CDKAL1: variants seen among roughly 807,000 people sequenced by gnomAD.
CDKAL1 encodes the protein CDKAL1 threonylcarbamoyladenosine tRNA methylthiotransferase.
Under a neutral mutation model 68.2 loss-of-function variants are expected in CDKAL1, and 32 were observed. The observed-to-expected ratio is 0.47, with a 90% CI of 0.35 to 0.63. The LOEUF is 0.63. Ranked by LOEUF, CDKAL1 falls within the 30% of genes least tolerant of loss-of-function variation. The pLI, the probability that CDKAL1 is intolerant of heterozygous loss-of-function variation, is 0.00. For synonymous variants in CDKAL1, 234 were observed against 244.3 expected, an observed-to-expected ratio of 0.96 and a Z score of 0.39; for missense variants, 606 against 696.7, an observed-to-expected ratio of 0.87 and a Z score of 1.47.
chr6:20,755,452 T>G (rs1337850732), intron 6 of CDKAL1, among the ~76,000 whole-genome samples: 2 of 152,166 alleles, frequency 1.3e-5, no homozygotes, highest in Non-Finnish European at 2.9e-5. Context: ...CCCTTCATTT[T>G]TTTCTTTCTC....
At chr6:20,671,032 G>A (rs1436110368) in intron 5 of CDKAL1, among the ~76,000 whole-genome samples, 2 of 152,050 alleles carry the variant, frequency 1.3e-5, no homozygotes, top group African/African-American at 4.8e-5. Context: ...TATATCTTTG[G>A]GATGAATTTC....
At chr6:20,856,595 T>TA (rs1255171515) in intron 9 of CDKAL1, among the ~76,000 whole-genome samples, 17 of 152,220 alleles carry the variant, frequency 1.1e-4, no homozygotes, top group African/African-American at 3.6e-4. Context: ...GTTCCACACT[T>TA]ACAGTTATAA....
chr6:20,887,438 T>G (rs1225819330), intron 9 of CDKAL1, among the ~76,000 whole-genome samples: 4 of 152,066 alleles, frequency 2.6e-5, no homozygotes, highest in Admixed American at 1.3e-4. Flanking sequence ...TGTAGAAGAA[T>G]GGACAAAATG....
At position 21,046,596 on chromosome 6, in the gene CDKAL1, C is replaced by T. The variant is rs553649349; in HGVS notation, c.1056-18452C>T. 1.1e-4 allele frequency among the ~76,000 whole-genome samples: 17 copies of T among 152,304 alleles called. No individual in the cohort carries two copies. The South Asian group carries it at 2.7e-3, about 24-fold the overall frequency. On this transcript the variant is annotated intron_variant, in intron 11 of 15. Transcript: ENST00000274695. ...CAGCCAGGCGTGGCGTGAGACACAACGGAGCTGCTCCTTTTGAGGCAGAGA... is the reference window on the plus strand; with the variant it reads ...CAGCCAGGCGTGGCGTGAGACACAATGGAGCTGCTCCTTTTGAGGCAGAGA...
At chr6:20,772,696 G>C (rs1774997549) in intron 7 of CDKAL1, 1 of 152,066 alleles carries the variant, frequency 6.6e-6, no homozygotes, top group African/African-American at 2.4e-5. Flanking sequence ...ATCTTTCCAT[G>C]TTCTCTTCCA....
chr6:20,616,156 T>C (rs1420387125), intron 4 of CDKAL1, among the ~76,000 whole-genome samples: 2 of 151,712 alleles, frequency 1.3e-5, no homozygotes, highest in Non-Finnish European at 3.0e-5. Context: ...GTTTTGGTAC[T>C]AGTACCATGC....
chr6:20,609,505 C>G (rs891447972), intron 4 of CDKAL1, among the ~76,000 whole-genome samples: 1 of 151,158 alleles, frequency 6.6e-6, no homozygotes, highest in Non-Finnish European at 1.5e-5. Context: ...AAGTGATTCT[C>G]CTGCCTCAGC....
At chr6:21,132,811 C>T (rs1775394425) in intron 13 of CDKAL1, among the ~76,000 whole-genome samples, 1 of 152,114 alleles carries the variant, frequency 6.6e-6, no homozygotes, top group South Asian at 2.1e-4. Context: ...AAACTCCACA[C>T]AACTAGAATT....
rs191978119 is a variant in CDKAL1, at chr6:21,048,056, T to C, written c.1056-16992T>C. Among the ~76,000 whole-genome samples, 54 of 152,306 alleles carry C rather than the reference T, an allele frequency of 3.5e-4. 1 individual carries two copies. Among genetic ancestry groups the C allele is most frequent in the Admixed American group, 3.4e-3 (52 of 15,298 alleles). ...CTGGCCCTCAACTCACCCTGGAGTGTTCCTGGGAGTTCTTATCAAAAATTA... is the reference window on the plus strand; with the variant it reads ...CTGGCCCTCAACTCACCCTGGAGTGCTCCTGGGAGTTCTTATCAAAAATTA... On this transcript the variant is annotated intron_variant, in intron 11 of 15. Coordinates refer to ENST00000274695, the MANE Select transcript of CDKAL1 (RefSeq NM_017774.3).
intron 4 of CDKAL1, among the ~76,000 whole-genome samples, chr6:20,555,999 A>AT (rs1393869954): frequency 1.3e-5 from 2 of 152,062 alleles, no homozygotes; most frequent in Admixed American, 1.3e-4. Context: ...GGGGGTATAT[A>AT]TCCCACTGCA....
chr6:20,885,046 GT>G (rs1324989584), intron 9 of CDKAL1, among the ~76,000 whole-genome samples: 1 of 152,192 alleles, frequency 6.6e-6, no homozygotes, highest in Non-Finnish European at 1.5e-5. Context: ...AGACATTCAT[GT>G]TCAGGGATAG....
chr6:20,728,848 T>G (rs1308580899), intron 5 of CDKAL1, among the ~76,000 whole-genome samples: 1 of 152,210 alleles, frequency 6.6e-6, no homozygotes, highest in Non-Finnish European at 1.5e-5. Context: ...TGCTTACTCT[T>G]TTTTCTTTTC....
At chr6:21,193,499 T>G (rs559055866) in intron 13 of CDKAL1, among the ~76,000 whole-genome samples, 1 of 152,152 alleles carries the variant, frequency 6.6e-6, no homozygotes, top group Non-Finnish European at 1.5e-5. Context: ...CCTACTCTCT[T>G]CTCCCTACTT....
chr6:21,032,189 C>T (rs111882339), intron 11 of CDKAL1, among the ~76,000 whole-genome samples: 6 of 152,124 alleles, frequency 3.9e-5, no homozygotes, highest in African/African-American at 1.4e-4. Flanking sequence ...TTTAGTTTCT[C>T]TATATGTTGG....
At chr6:21,211,545 A>G (rs1779147572) in intron 15 of CDKAL1, among the ~76,000 whole-genome samples, 1 of 152,162 alleles carries the variant, frequency 6.6e-6, no homozygotes. Flanking sequence ...GCATGTCTCC[A>G]TGGTAAGGAA....
chr6:20,858,778 G>A (rs1759467656), intron 9 of CDKAL1, among the ~76,000 whole-genome samples: 2 of 151,970 alleles, frequency 1.3e-5, no homozygotes, highest in Non-Finnish European at 2.9e-5. Context: ...GTCTTATAAT[G>A]TTGATTTTTA....
At chr6:20,924,337 G>T (rs560611641) in intron 9 of CDKAL1, among the ~76,000 whole-genome samples, 1 of 151,270 alleles carries the variant, frequency 6.6e-6, no homozygotes, top group South Asian at 2.1e-4. Flanking sequence ...CTGCACTCCA[G>T]CCTGAGCGAC....
At chr6:20,938,875 G>T (rs1397945241) in intron 9 of CDKAL1, among the ~76,000 whole-genome samples, 2 of 152,006 alleles carry the variant, frequency 1.3e-5, no homozygotes, top group African/African-American at 2.4e-5. Flanking sequence ...GTGAAAACTT[G>T]AATACTTTCT....
intron 13 of CDKAL1, among the ~76,000 whole-genome samples, chr6:21,119,586 T>G (rs1774597368): frequency 6.6e-6 from 1 of 152,184 alleles, no homozygotes; most frequent in African/African-American, 2.4e-5. Context: ...TCTTAATTCT[T>G]CCTAACAGTT....
Sources: gnomAD v4.1 joint callset for allele counts (sites outside exome capture counted in the v4.1 genomes callset) on GRCh38, gnomAD v4.1.1 for gene constraint, MANE v1.5 for transcripts, NCBI Gene and HGNC (gene_info 2026-07-23, HGNC 2026-07-21) for gene names.